Variants in PPP1R7 observed in about 807,000 individuals in gnomAD.
The protein encoded by PPP1R7 is protein phosphatase 1 regulatory subunit 7.
PPP1R7 carries 18 observed loss-of-function variants against 45.2 expected under a neutral mutation model. The ratio of observed to expected loss-of-function variants is 0.40; its 90% CI spans 0.28 to 0.59. The LOEUF (loss-of-function observed/expected upper bound fraction) is 0.59, where lower values mean the gene tolerates loss of function less well. PPP1R7 is among the 20% of genes least tolerant of loss of function. PPP1R7 has a pLI of 0.46. For synonymous variants in PPP1R7, 181 were observed against 183.4 expected, an observed-to-expected ratio of 0.99 and a Z score of 0.11; for missense variants, 314 against 455.8, an observed-to-expected ratio of 0.69 and a Z score of 2.83.
At chr2:241,156,235 A>T (rs1426624074) in intron 2 of PPP1R7, among the ~76,000 whole-genome samples, 1 of 152,268 alleles carries the variant, frequency 6.6e-6, no homozygotes, top group Non-Finnish European at 1.5e-5. Flanking sequence ...CAGCCCTGTA[A>T]GGTAGTGACA....
At chr2:241,169,158 C>T (rs2067772120) in intron 8 of PPP1R7, among the ~76,000 whole-genome samples, 2 of 152,226 alleles carry the variant, frequency 1.3e-5, no homozygotes, top group Non-Finnish European at 2.9e-5. Flanking sequence ...GCAGCAGGTG[C>T]TCAGCAGGCC....
intron 8 of PPP1R7, among the ~76,000 whole-genome samples, chr2:241,167,477 G>A (rs144235390): frequency 2.2e-3 from 334 of 152,310 alleles, no homozygotes; most frequent in African/African-American, 7.3e-3. Flanking sequence ...GTGGAATGGC[G>A]CTGAGGACTG....
At chr2:241,170,027 G>A in intron 9 of PPP1R7, 160 bp downstream of exon 9, 1 of 601,666 alleles carries the variant, frequency 1.7e-6, no homozygotes, top group South Asian at 2.0e-5. Flanking sequence ...GACTTGTATT[G>A]GGTGTTGTCT....
chr2:241,182,187 G>A (rs1420138855), intron 9 of PPP1R7, among the ~76,000 whole-genome samples: 1 of 152,232 alleles, frequency 6.6e-6, no homozygotes, highest in Non-Finnish European at 1.5e-5. Flanking sequence ...TGTGGAGAGA[G>A]CCATAGAGGT....
intron 3 of PPP1R7, among the ~76,000 whole-genome samples, chr2:241,158,079 A>T (rs375781281): frequency 6.6e-6 from 1 of 152,148 alleles, no homozygotes; most frequent in Non-Finnish European, 1.5e-5. Context: ...CCTTTGACTC[A>T]TACATTGTCT....
chr2:241,149,632 G>A, upstream of PPP1R7: 1 of 1,538,748 alleles, frequency 6.5e-7, no homozygotes, highest in Middle Eastern at 1.7e-4. Context: ...GCGCTTCGGA[G>A]GAGCCAAAGG....
At chr2:241,176,482 A>G (rs185090304) in intron 9 of PPP1R7, among the ~76,000 whole-genome samples, 6 of 138,942 alleles carry the variant, frequency 4.3e-5, no homozygotes, top group Non-Finnish European at 6.2e-5. Context: ...TTTGAGATGG[A>G]GCTTTGCTCC....
chr2:241,159,120 A>G, intron 4 of PPP1R7, 93 bp from the exon 5 acceptor site: 1 of 1,428,800 alleles, frequency 7.0e-7, no homozygotes, highest in East Asian at 2.4e-5. Context: ...TCCTTCTACC[A>G]GAAAGGCCTT....
chr2:241,160,205 C>T, intron 5 of PPP1R7, 127 bp from the exon 6 acceptor site: 1 of 687,160 alleles, frequency 1.5e-6, no homozygotes, highest in East Asian at 3.0e-5. Context: ...CAGAACCCCC[C>T]ACCCTCTCCC....
At chr2:241,155,158 T>G (rs1362630526) in intron 2 of PPP1R7, 2 of 152,244 alleles carry the variant, frequency 1.3e-5, no homozygotes, top group East Asian at 3.9e-4. Flanking sequence ...TGGGTGCTGC[T>G]GAGACATTGG....
At chr2:241,176,078 C>T (rs2067902866) in intron 9 of PPP1R7, among the ~76,000 whole-genome samples, 1 of 151,960 alleles carries the variant, frequency 6.6e-6, no homozygotes, top group Non-Finnish European at 1.5e-5. Context: ...ATGTCTGGAC[C>T]ATTTTAAAAT....
intron 1 of PPP1R7, among the ~76,000 whole-genome samples, chr2:241,152,106 G>A (rs1473711590): frequency 6.6e-6 from 1 of 152,224 alleles, no homozygotes; most frequent in Non-Finnish European, 1.5e-5. Context: ...AGTGACCTGT[G>A]CCTGGTGGTG....
intron 3 of PPP1R7, 90 bp downstream of exon 3, chr2:241,157,952 G>A: frequency 7.1e-7 from 1 of 1,398,656 alleles, no homozygotes; most frequent in South Asian, 1.2e-5. Flanking sequence ...TATTTCCCTA[G>A]AGAGGTGGCC....
chr2:241,166,784 AAAAC>A lies in PPP1R7; in HGVS notation c.819+348_819+351del, dbSNP rs1350775473. 2.6e-5 allele frequency among the ~76,000 whole-genome samples: 4 copies of A among 152,232 alleles called. No homozygotes were observed. The East Asian group carries it at 7.7e-4, about 29-fold the overall frequency. ...TGCAGGCATTTTGCAAGATTTGAAA[AAAAC>A]AAACCCAACCTGCTCGTAAAGGGCC... On this transcript the variant is annotated intron_variant, in intron 8 of 9. Transcript: ENST00000234038.
chr2:241,153,724 A>T, intron 2 of PPP1R7, 120 bp downstream of exon 2: 1 of 1,305,738 alleles, frequency 7.7e-7, no homozygotes, highest in Admixed American at 2.5e-5. Context: ...CGTGCTCCTT[A>T]GGGGTCCTCA....
chr2:241,152,879 C>T (rs1332724925), intron 1 of PPP1R7, among the ~76,000 whole-genome samples: 1 of 152,216 alleles, frequency 6.6e-6, no homozygotes, highest in Non-Finnish European at 1.5e-5. Context: ...GTTGCTAACA[C>T]TCTGTCCAGT....
At chr2:241,150,053 G>A (rs1160177780), upstream of PPP1R7, 7 of 1,364,502 alleles carry the variant, frequency 5.1e-6, no homozygotes, top group African/African-American at 3.0e-5. Context: ...CAGAGGTCAG[G>A]GATGCACGTA....
chr2:241,167,339 A>C (rs139504207), intron 8 of PPP1R7, among the ~76,000 whole-genome samples: 1 of 152,252 alleles, frequency 6.6e-6, no homozygotes, highest in Non-Finnish European at 1.5e-5. Flanking sequence ...GGAAAAATTC[A>C]AATTTGCCTG....
intron 9 of PPP1R7, among the ~76,000 whole-genome samples, chr2:241,177,268 T>G (rs955388100): frequency 1.3e-5 from 2 of 151,834 alleles, no homozygotes; most frequent in Non-Finnish European, 2.9e-5. Flanking sequence ...ATACAAAAAT[T>G]TAGCTGGATG....
Sources: allele counts gnomAD v4.1 joint callset (sites outside exome capture counted in the v4.1 genomes callset), GRCh38; gene constraint gnomAD v4.1.1; transcripts MANE v1.5; gene names NCBI Gene and HGNC (gene_info 2026-07-23, HGNC 2026-07-21).